DIP2C: variants seen among roughly 807,000 people sequenced by gnomAD.
DIP2C encodes the protein DIP2 acetate--CoA ligase C (putative).
In DIP2C, 33 loss-of-function variants were observed where a neutral mutation model predicts 192.4. The observed-to-expected ratio is 0.17, with a 90% CI of 0.13 to 0.23. DIP2C has a LOEUF of 0.23. Ranked by LOEUF, DIP2C falls within the 10% of genes least tolerant of loss-of-function variation. The pLI is 1.00. For missense variants in DIP2C, 1,537 were observed against 2,110.1 expected (o/e 0.73, Z 5.32); for synonymous variants, 979 against 864.1 (o/e 1.13, Z -2.33).
At chr10:395,136 G>T in intron 10 of DIP2C, among the ~76,000 whole-genome samples, 1 of 93,740 alleles carries the variant, frequency 1.1e-5, no homozygotes, top group South Asian at 4.9e-4. Flanking sequence ...GGAGTTGGGG[G>T]AGGGAGGAGA....
At chr10:391,613 T>C (rs1189232192) in intron 10 of DIP2C, among the ~76,000 whole-genome samples, 1 of 152,236 alleles carries the variant, frequency 6.6e-6, no homozygotes. Flanking sequence ...CCACCAGCTG[T>C]GCCAGCTGTG....
chr10:607,434 GATTT>G (rs757638761), intron 1 of DIP2C, among the ~76,000 whole-genome samples: 43 of 152,158 alleles, frequency 2.8e-4, no homozygotes, highest in Non-Finnish European at 5.3e-4. Context: ...AGTCCCACTT[GATTT>G]TTTTCATTGT....
chr10:579,537 TC>T (rs1351484017), intron 1 of DIP2C, among the ~76,000 whole-genome samples: 2 of 151,930 alleles, frequency 1.3e-5, no homozygotes, highest in African/African-American at 4.8e-5. Context: ...CACATCCAGA[TC>T]CATAAAGTGT....
intron 1 of DIP2C, among the ~76,000 whole-genome samples, chr10:528,492 G>A (rs1847187541): frequency 6.6e-6 from 1 of 152,184 alleles, no homozygotes; most frequent in Admixed American, 6.5e-5. Flanking sequence ...ACACCAAAAA[G>A]CCATAGTGGT....
intron 31 of DIP2C, chr10:311,612 A>G (rs2132330185): frequency 1.6e-6 from 2 of 1,230,486 alleles, no homozygotes; most frequent in East Asian, 3.2e-5. Context: ...AGAGAACACC[A>G]GACAACAGAA....
chr10:324,990 G>A (rs757043247), intron 31 of DIP2C: 3 of 529,740 alleles, frequency 5.7e-6, no homozygotes, highest in Non-Finnish European at 1.2e-5. Context: ...TTGGGGCTGG[G>A]CGTGGTGGCT....
chr10:340,790 C>G, intron 29 of DIP2C: 1 of 458,408 alleles, frequency 2.2e-6, no homozygotes, highest in Non-Finnish European at 4.4e-6. Flanking sequence ...TCTGGGCTTG[C>G]CCAGCCTAAG....
chr10:302,233 T>C lies in DIP2C; in HGVS notation c.3986+7798A>G, dbSNP rs556462511. 5.9e-5 allele frequency among the ~76,000 whole-genome samples: 9 copies of C among 152,276 alleles called. No individual in the cohort carries two copies. The East Asian group carries it at 1.5e-3, about 26-fold the overall frequency. On this transcript the variant is annotated intron_variant, in intron 32 of 36. Coordinates refer to ENST00000280886, the MANE Select transcript of DIP2C (RefSeq NM_014974.3). The stretch of plus-strand genomic sequence containing the variant: ...AGCATTGTCCCAAGCACCTGACGCA[T>C]ACCAAGAATCCTCCTAATGACTCTA...
At chr10:609,775 A>T (rs1002896647) in intron 1 of DIP2C, among the ~76,000 whole-genome samples, 1 of 152,210 alleles carries the variant, frequency 6.6e-6, no homozygotes, top group African/African-American at 2.4e-5. Context: ...AGTTAAAAAG[A>T]ACCTAACTGC....
At chr10:556,704 G>C (rs1053888348) in intron 1 of DIP2C, among the ~76,000 whole-genome samples, 1 of 152,000 alleles carries the variant, frequency 6.6e-6, no homozygotes, top group East Asian at 2.0e-4. Flanking sequence ...TATTCTGCTG[G>C]AATCAACAGC....
intron 10 of DIP2C, among the ~76,000 whole-genome samples, chr10:392,768 AAC>A (rs914051313): frequency 2.0e-5 from 3 of 150,766 alleles, no homozygotes; most frequent in Middle Eastern, 3.4e-3. Flanking sequence ...ACACACACTT[AAC>A]ACTCTCACAC....
chr10:606,053 T>C (rs777811988), intron 1 of DIP2C, among the ~76,000 whole-genome samples: 2 of 152,332 alleles, frequency 1.3e-5, no homozygotes, highest in South Asian at 4.1e-4. Context: ...CAAGTCTTCC[T>C]GGCGAGAACC....
intron 1 of DIP2C, among the ~76,000 whole-genome samples, chr10:526,066 A>T (rs816632): frequency 0.99 from 150,973 of 152,290 alleles, 74,842 homozygotes; most frequent in Non-Finnish European, 1. Flanking sequence ...CTGTGCCTAC[A>T]CTCACCATCG....
At chr10:603,021 A>T (rs1311907487) in intron 1 of DIP2C, among the ~76,000 whole-genome samples, 1 of 151,992 alleles carries the variant, frequency 6.6e-6, no homozygotes. Flanking sequence ...CAAAGAATCC[A>T]CCCTACGTCT....
intron 1 of DIP2C, among the ~76,000 whole-genome samples, chr10:606,293 C>T (rs1852466960): frequency 6.6e-6 from 1 of 152,226 alleles, no homozygotes; most frequent in Non-Finnish European, 1.5e-5. Flanking sequence ...GGGGAAGACA[C>T]CAGTCACAGC....
chr10:564,150 A>G (rs1849346991), intron 1 of DIP2C, among the ~76,000 whole-genome samples: 1 of 152,202 alleles, frequency 6.6e-6, no homozygotes, highest in Non-Finnish European at 1.5e-5. Flanking sequence ...GTGAGAATAT[A>G]AAGTGTCTGA....
intron 31 of DIP2C, among the ~76,000 whole-genome samples, chr10:318,972 GCA>G (rs563439127): frequency 6.7e-4 from 101 of 151,700 alleles, no homozygotes; most frequent in African/African-American, 2.4e-3. Context: ...GAGTACAGTG[GCA>G]CGATCTCGGC....
In DIP2C at chr10:363,052, T is replaced by C. The variant is rs1039638270; in HGVS notation, c.2592+145A>G. 3 of 690,716 alleles carry C rather than the reference T, an allele frequency of 4.3e-6. No homozygotes were observed. The highest frequency in any genetic ancestry group is 7.2e-6 in the Non-Finnish European group (3 of 417,740). The allele number at this position is 690,716 out of a possible 1,614,324, so 42.8% of individuals were successfully genotyped here. On this transcript the variant is annotated intron_variant, in intron 21 of 36. Transcript: ENST00000280886. The surrounding 1 kb of genome is among the most constrained non-coding windows in gnomAD (Gnocchi z 5.4). ...TCTGCTGAGCTAGTTTCTGGACACT[T>C]GATGTAGTTCCTGATCAAATGAAGG... is the stretch of plus-strand genomic sequence containing the variant.
At chr10:629,317 C>T (rs1014070985) in intron 1 of DIP2C, among the ~76,000 whole-genome samples, 10 of 152,098 alleles carry the variant, frequency 6.6e-5, no homozygotes, top group South Asian at 4.2e-4. Flanking sequence ...AACCAAGATC[C>T]GGGCCAACTC....
Sources: allele counts gnomAD v4.1 joint callset (sites outside exome capture counted in the v4.1 genomes callset), GRCh38; gene constraint gnomAD v4.1.1; non-coding constraint Gnocchi (gnomAD v3.1); transcripts MANE v1.5; gene names NCBI Gene and HGNC (gene_info 2026-07-23, HGNC 2026-07-21).